STYX: variants seen among roughly 807,000 people sequenced by gnomAD.
STYX encodes the protein serine/threonine/tyrosine interacting protein.
A neutral mutation model predicts 42.7 loss-of-function variants in STYX; 20 were observed. The ratio of observed to expected loss-of-function variants is 0.47; its 90% CI spans 0.33 to 0.68. The LOEUF is 0.68. Among genes scored for constraint, STYX ranks in the 30% least tolerant of loss-of-function variants. The pLI is 0.02. For synonymous variants in STYX, 78 were observed against 81.9 expected (o/e 0.95, Z 0.26); for missense variants, 226 against 268.5 (o/e 0.84, Z 1.11).
At chr14:52,770,298 T>C (rs757994422) in intron 10 of STYX, among the ~76,000 whole-genome samples, 1 of 152,158 alleles carries the variant, frequency 6.6e-6, no homozygotes, top group African/African-American at 2.4e-5. Context: ...TGAATTAACA[T>C]TATTATTACC....
intron 9 of STYX, among the ~76,000 whole-genome samples, chr14:52,762,595 C>A (rs557130497): frequency 5.3e-5 from 8 of 151,112 alleles, no homozygotes; most frequent in Non-Finnish European, 1.0e-4. Context: ...TTTTTCTGTA[C>A]TATCCTTTTC....
intron 1 of STYX, 75 bp downstream of exon 1, chr14:52,730,606 C>T (rs1169404658): frequency 1.3e-6 from 2 of 1,522,114 alleles, no homozygotes; most frequent in South Asian, 1.2e-5. Flanking sequence ...CAGTCCCCAA[C>T]CGTCTTAGCC....
At position 52,730,449 on chromosome 14, in the gene STYX, C is replaced by G. The variant is rs1464413449; in HGVS notation, c.-26C>G. On this transcript the variant is annotated 5_prime_UTR_variant, in exon 1 of 11. Coordinates refer to ENST00000354586, the MANE Select transcript of STYX (RefSeq NM_145251.4). The stretch of plus-strand genomic sequence containing the variant: ...CCGGCTGTGTAACACTCTCCCACCC[C>G]ACCCACCAGCCCGCGGGCCAGCACC... 6.2e-7 allele frequency: 1 copy of G among 1,612,296 alleles called. No individual in the cohort carries two copies. Among genetic ancestry groups the G allele is most frequent in the Non-Finnish European group, 8.5e-7 (1 of 1,179,434 alleles).
intron 1 of STYX, among the ~76,000 whole-genome samples, chr14:52,740,073 T>C (rs1198934455): frequency 6.6e-6 from 1 of 152,156 alleles, no homozygotes; most frequent in Non-Finnish European, 1.5e-5. Flanking sequence ...GGTCAGGAGT[T>C]CAAGACCAAC....
At chr14:52,741,563 G>A (rs1311792299) in intron 1 of STYX, among the ~76,000 whole-genome samples, 5 of 151,798 alleles carry the variant, frequency 3.3e-5, no homozygotes, top group African/African-American at 4.8e-5. Context: ...TCAGCCTCCC[G>A]GGTAGCTGGG....
At chr14:52,747,897 C>A (rs560616803) in intron 3 of STYX, among the ~76,000 whole-genome samples, 1 of 152,100 alleles carries the variant, frequency 6.6e-6, no homozygotes, top group Non-Finnish European at 1.5e-5. Flanking sequence ...GAGGCTGAGG[C>A]GCGAGAATTG....
rs1333870235 is a variant in STYX at position 52,762,892 on chromosome 14, T to G, written c.504+3138T>G. On this transcript the variant is annotated intron_variant, in intron 9 of 10. Coordinates refer to ENST00000354586, the MANE Select transcript of STYX (RefSeq NM_145251.4). ...TTTCTTTCTTTCTTTCTTTTTTTTT[T>G]TTTTTTTTTTTTTTTTGAGGCAGAG... Among the ~76,000 whole-genome samples the G allele has an allele frequency of 1.7e-4, 22 of 131,828 alleles. No homozygotes were observed. The East Asian group carries it at 4.8e-3, about 29-fold the overall frequency. 86.5% of individuals were successfully genotyped at this position (131,828 alleles called of 152,430 possible).
rs775908402 is a variant in STYX, at chr14:52,750,796, A to G, written c.242+16A>G. Reference sequence around the variant, plus strand: ...AGTTATTTAGGTAAGAATTATTGCTATGATTTGTAAAACACTTAATGAAGT... The same window carrying G: ...AGTTATTTAGGTAAGAATTATTGCTGTGATTTGTAAAACACTTAATGAAGT... On this transcript the variant is annotated intron_variant, in intron 4 of 10. Transcript: ENST00000354586. 10 of 1,473,562 alleles carry G rather than the reference A, an allele frequency of 6.8e-6. No homozygotes were observed. In the African/African-American group the frequency reaches 9.9e-5, roughly 15 times the overall value. The allele number at this position is 1,473,562 out of a possible 1,614,324, so 91.3% of individuals were successfully genotyped here.
At chr14:52,754,317 A>G (rs992193060) in intron 4 of STYX, among the ~76,000 whole-genome samples, 8 of 151,812 alleles carry the variant, frequency 5.3e-5, no homozygotes, top group African/African-American at 9.7e-5. Context: ...GGCTCAAGCA[A>G]TCTTCCTGCC....
rs1270878606 is a variant in STYX, at chr14:52,771,762, CCTTT to C, written c.*660_*663del. ...CTTTAACTTGATCTAATTATTGCTTCCTTTCTTATTACTTTCCTAATTTTTCTAT... is the reference window on the plus strand; with the variant it reads ...CTTTAACTTGATCTAATTATTGCTTCCTTATTACTTTCCTAATTTTTCTAT... On this transcript the variant is annotated 3_prime_UTR_variant, in exon 11 of 11. Transcript: ENST00000354586. The C allele has an allele frequency of 6.6e-6, 1 of 152,360 alleles. No homozygotes were observed. The highest frequency in any genetic ancestry group is 1.5e-5 in the Non-Finnish European group (1 of 67,918). The allele number at this position is 152,360 out of a possible 1,614,324, so 9.4% of individuals were successfully genotyped here. A position where few individuals can be genotyped will look rare whatever the true frequency, so the allele number is the denominator to read the frequency against.
rs566692231 is a variant in STYX at position 52,759,129 on chromosome 14, A to G, written c.432-553A>G. 4.3e-4 allele frequency among the ~76,000 whole-genome samples: 65 copies of G among 152,040 alleles called. 2 individuals are homozygous for G. In the Middle Eastern group the frequency reaches 0.024, roughly 56 times the overall value. ...TATGCACAAAATGCTTACATTTTATATATTTATTTTAGAGACAGGGTCTTC... is the reference window on the plus strand; with the variant it reads ...TATGCACAAAATGCTTACATTTTATGTATTTATTTTAGAGACAGGGTCTTC... On this transcript the variant is annotated intron_variant, in intron 8 of 10. Coordinates refer to ENST00000354586, the MANE Select transcript of STYX (RefSeq NM_145251.4).
chr14:52,756,412 A>G (rs572326385), intron 4 of STYX, 139 bp from the exon 5 acceptor site: 2 of 524,092 alleles, frequency 3.8e-6, no homozygotes, highest in South Asian at 2.8e-5. Flanking sequence ...AAAATCTACC[A>G]CACAGTTCTT....
At chr14:52,748,412 T>G (rs1881476649) in intron 3 of STYX, among the ~76,000 whole-genome samples, 1 of 152,208 alleles carries the variant, frequency 6.6e-6, no homozygotes, top group African/African-American at 2.4e-5. Flanking sequence ...AAAGTTTTTG[T>G]AGAGATGGAG....
intron 9 of STYX, among the ~76,000 whole-genome samples, chr14:52,763,313 C>CT (rs1367330418): frequency 2.6e-5 from 4 of 152,036 alleles, no homozygotes. Context: ...ACTTTAATAT[C>CT]TTTTGGTTCT....
In STYX at chr14:52,730,432, G is replaced by T. The variant is rs762210688; in HGVS notation, c.-43G>T. On this transcript the variant is annotated 5_prime_UTR_variant, in exon 1 of 11. Coordinates refer to ENST00000354586, the MANE Select transcript of STYX (RefSeq NM_145251.4). ...GCCAGCCCGAGGGTCGGCCGGCTGT[G>T]TAACACTCTCCCACCCCACCCACCA... is the stretch of plus-strand genomic sequence containing the variant. 2.5e-6 allele frequency: 4 copies of T among 1,608,382 alleles called. No homozygotes were observed. The highest frequency in any genetic ancestry group is 3.4e-6 in the Non-Finnish European group (4 of 1,177,160).
At chr14:52,767,669 C>T (rs1029640020) in intron 9 of STYX, among the ~76,000 whole-genome samples, 1 of 152,064 alleles carries the variant, frequency 6.6e-6, no homozygotes, top group African/African-American at 2.4e-5. Flanking sequence ...TTCCCAGGTT[C>T]CTTTGGTGGC....
chr14:52,731,038 A>G (rs1229465477), intron 1 of STYX, among the ~76,000 whole-genome samples: 6 of 152,246 alleles, frequency 3.9e-5, no homozygotes, highest in Non-Finnish European at 8.8e-5. Context: ...AAGCTAGCTC[A>G]TCTTAATCTG....
intron 4 of STYX, among the ~76,000 whole-genome samples, chr14:52,752,203 T>C (rs1881643843): frequency 6.6e-6 from 1 of 151,598 alleles, no homozygotes; most frequent in Non-Finnish European, 1.5e-5. Context: ...GCGCTGTGGC[T>C]TACACCTATA....
chr14:52,772,235 C>A lies in STYX; in HGVS notation c.*1129C>A, dbSNP rs373646461. 1.3e-5 allele frequency: 2 copies of A among 152,136 alleles called. No homozygotes were observed. Among genetic ancestry groups the A allele is most frequent in the East Asian group, 3.9e-4 (2 of 5,192 alleles). 9.4% of individuals were successfully genotyped at this position (152,136 alleles called of 1,614,324 possible). A position where few individuals can be genotyped will look rare whatever the true frequency, so the allele number is the denominator to read the frequency against. On this transcript the variant is annotated 3_prime_UTR_variant, in exon 11 of 11. Coordinates refer to ENST00000354586, the MANE Select transcript of STYX (RefSeq NM_145251.4). ...TTGGAATATAGAATGTTTACTCTTT[C>A]TTTTTATGTTGTCTTAATGATTCTG...
Sources: gnomAD v4.1 joint callset for allele counts (sites outside exome capture counted in the v4.1 genomes callset) on GRCh38, gnomAD v4.1.1 for gene constraint, MANE v1.5 for transcripts, NCBI Gene and HGNC (gene_info 2026-07-23, HGNC 2026-07-21) for gene names.